The following ASTN2 variants were observed in gnomAD, a reference collection of about 807,000 sequenced individuals.
ASTN2 encodes the protein astrotactin 2, also known as astrotactin-2.
ASTN2 carries 54 observed loss-of-function variants against 139.8 expected under a neutral mutation model. The observed-to-expected ratio is 0.39, with a 90% CI of 0.31 to 0.48. The LOEUF (loss-of-function observed/expected upper bound fraction) is 0.48. Ranked by LOEUF, ASTN2 falls within the 20% of genes least tolerant of loss-of-function variation. The probability of loss-of-function intolerance (pLI) is 0.95; values close to 1 mark genes in which losing one functional copy is unlikely to be tolerated. For missense variants in ASTN2, 1,565 were observed against 1,725.1 expected (o/e 0.91, Z 1.64); for synonymous variants, 756 against 719.5 (o/e 1.05, Z -0.81).
At chr9:117,375,201 C>G (rs969146381) in intron 1 of ASTN2, among the ~76,000 whole-genome samples, 1 of 152,196 alleles carries the variant, frequency 6.6e-6, no homozygotes, top group Non-Finnish European at 1.5e-5. Flanking sequence ...AGGGCTCAGT[C>G]TGGAGGGAAA....
intron 3 of ASTN2, among the ~76,000 whole-genome samples, chr9:117,159,913 G>A (rs1384224819): frequency 2.0e-5 from 3 of 152,004 alleles, no homozygotes; most frequent in Non-Finnish European, 4.4e-5. Flanking sequence ...GTCTGGCTAG[G>A]CTCAGTTTTG....
At chr9:116,941,173 G>A (rs1835217735) in intron 10 of ASTN2, among the ~76,000 whole-genome samples, 1 of 152,044 alleles carries the variant, frequency 6.6e-6, no homozygotes, top group African/African-American at 2.4e-5. Context: ...AGACAACTGA[G>A]GATACCAGTT....
At chr9:117,342,806 A>G (rs1360141933) in intron 1 of ASTN2, among the ~76,000 whole-genome samples, 1 of 152,174 alleles carries the variant, frequency 6.6e-6, no homozygotes, top group East Asian at 1.9e-4. Flanking sequence ...CGGACCAGGA[A>G]CCCTGCATAT....
chr9:116,615,665 A>T (rs1051904999), intron 19 of ASTN2, among the ~76,000 whole-genome samples: 1 of 150,122 alleles, frequency 6.7e-6, no homozygotes, highest in Non-Finnish European at 1.5e-5. Flanking sequence ...CATAGGTGGG[A>T]ATTGAACAAT....
intron 1 of ASTN2, among the ~76,000 whole-genome samples, chr9:117,315,227 C>A (rs1828106464): frequency 6.6e-6 from 1 of 152,096 alleles, no homozygotes; most frequent in Non-Finnish European, 1.5e-5. Context: ...GTATTTTTCT[C>A]CTCTTTTCTC....
chr9:116,722,314 T>C (rs1222953987), intron 16 of ASTN2, among the ~76,000 whole-genome samples: 1 of 152,144 alleles, frequency 6.6e-6, no homozygotes, highest in East Asian at 1.9e-4. Context: ...AATGAATAAC[T>C]ATGACTTTAT....
chr9:116,465,054 G>A (rs1324358264), intron 20 of ASTN2, among the ~76,000 whole-genome samples: 1 of 152,208 alleles, frequency 6.6e-6, no homozygotes, highest in Non-Finnish European at 1.5e-5. Flanking sequence ...TCTGCCTAAT[G>A]TTAATAGGGA....
chr9:117,022,512 C>T (rs116963386), intron 6 of ASTN2, among the ~76,000 whole-genome samples: 2,042 of 152,078 alleles, frequency 0.013, 41 homozygotes, highest in African/African-American at 0.034. Context: ...TCTTTGAATT[C>T]CTCATTTCTA....
chr9:117,141,188 G>A, intron 4 of ASTN2, 138 bp downstream of exon 4: 1 of 938,416 alleles, frequency 1.1e-6, no homozygotes, highest in South Asian at 1.6e-5. Context: ...CAGCCTCCAA[G>A]GGGATTTATC....
intron 19 of ASTN2, chr9:116,612,702 T>A (rs953997781): frequency 6.6e-6 from 1 of 152,100 alleles, no homozygotes; most frequent in Non-Finnish European, 1.5e-5. Flanking sequence ...CCAGAATCTC[T>A]GGGACACATT....
intron 1 of ASTN2, among the ~76,000 whole-genome samples, chr9:117,388,324 T>C (rs945135943): frequency 3.3e-5 from 5 of 152,180 alleles, no homozygotes; most frequent in African/African-American, 4.8e-5. Flanking sequence ...CCAGGTATCA[T>C]CTTCTTCCCT....
chr9:116,909,501 T>C (rs112488166), intron 10 of ASTN2, among the ~76,000 whole-genome samples: 3,143 of 152,154 alleles, frequency 0.021, 130 homozygotes, highest in African/African-American at 0.072. Flanking sequence ...GTTGAGGGAA[T>C]AATGAGTTCC....
At chr9:117,296,052 G>C (rs1834724677) in intron 1 of ASTN2, among the ~76,000 whole-genome samples, 1 of 151,934 alleles carries the variant, frequency 6.6e-6, no homozygotes, top group South Asian at 2.1e-4. Flanking sequence ...GGCCTAGGTG[G>C]GCGGATCACG....
At chr9:117,364,695 T>C (rs1365956515) in intron 1 of ASTN2, among the ~76,000 whole-genome samples, 3 of 152,066 alleles carry the variant, frequency 2.0e-5, no homozygotes, top group Non-Finnish European at 2.9e-5. Flanking sequence ...GAGAAAAGCA[T>C]CCTATGCTTA....
intron 2 of ASTN2, among the ~76,000 whole-genome samples, chr9:117,239,268 G>A (rs768519046): frequency 3.9e-5 from 6 of 152,140 alleles, no homozygotes; most frequent in Non-Finnish European, 5.9e-5. Flanking sequence ...CAGGCATTGG[G>A]CTAGGCACCT....
chr9:117,395,924 T>C (rs1830664690), intron 1 of ASTN2, among the ~76,000 whole-genome samples: 1 of 152,244 alleles, frequency 6.6e-6, no homozygotes. Flanking sequence ...AGAACATTCC[T>C]GGTCTTTGGG....
intron 13 of ASTN2, among the ~76,000 whole-genome samples, chr9:116,766,364 C>G (rs954495682): frequency 6.6e-6 from 1 of 151,968 alleles, no homozygotes; most frequent in African/African-American, 2.4e-5. Flanking sequence ...CACACATATA[C>G]AGGCATACAT....
At chr9:116,497,250 T>C (rs1363654728) in intron 19 of ASTN2, among the ~76,000 whole-genome samples, 11 of 152,316 alleles carry the variant, frequency 7.2e-5, no homozygotes, top group East Asian at 1.9e-4. Context: ...GCTATAAAGA[T>C]ACAGTCTCTG....
At chr9:116,857,385 A>C (rs1440244638) in intron 11 of ASTN2, among the ~76,000 whole-genome samples, 2 of 152,150 alleles carry the variant, frequency 1.3e-5, no homozygotes, top group African/African-American at 4.8e-5. Flanking sequence ...CAGAGAAACA[A>C]AGTGGTTTGT....
Sources: gnomAD v4.1 joint callset for allele counts (sites outside exome capture counted in the v4.1 genomes callset) on GRCh38, gnomAD v4.1.1 for gene constraint, MANE v1.5 for transcripts, NCBI Gene and HGNC (gene_info 2026-07-23, HGNC 2026-07-21) for gene names.